USH2A: variants seen among roughly 807,000 people sequenced by gnomAD.
The protein encoded by USH2A is usherin, also known as Usher syndrome 2A (autosomal recessive, mild).
In USH2A, 443 loss-of-function variants were observed where a neutral mutation model predicts 538.9. The ratio of observed to expected loss-of-function variants is 0.82; its 90% CI spans 0.76 to 0.89. USH2A has a LOEUF of 0.89. Ranked by LOEUF, USH2A falls within the 40% of genes least tolerant of loss-of-function variation. The pLI is 0.00. For missense variants in USH2A, 6,633 were observed against 6,324.8 expected (o/e 1.05, Z -1.65); for synonymous variants, 2,413 against 2,273.5 (o/e 1.06, Z -1.75).
intron 3 of USH2A, among the ~76,000 whole-genome samples, chr1:216,396,676 G>C (rs995479473): frequency 9.2e-5 from 14 of 152,094 alleles, no homozygotes; most frequent in East Asian, 7.7e-4. Context: ...AAAGAATTAT[G>C]GCAATGACTT....
chr1:216,028,493 A>T (rs572783008), intron 32 of USH2A, among the ~76,000 whole-genome samples: 4 of 152,238 alleles, frequency 2.6e-5, no homozygotes, highest in South Asian at 4.1e-4. Context: ...AAATCTCAGG[A>T]AATATTTATC....
intron 32 of USH2A, among the ~76,000 whole-genome samples, chr1:216,036,658 A>C (rs934253950): frequency 6.6e-6 from 1 of 152,154 alleles, no homozygotes; most frequent in Admixed American, 6.6e-5. Flanking sequence ...TCATGTGCTA[A>C]ATTCTAATTG....
intron 36 of USH2A, among the ~76,000 whole-genome samples, chr1:215,969,179 A>T (rs1667430676): frequency 6.6e-6 from 1 of 152,210 alleles, no homozygotes; most frequent in Admixed American, 6.6e-5. Context: ...TTAGAGATGG[A>T]TCATTGACTA....
chr1:215,827,411 G>A (rs910352617), intron 47 of USH2A, among the ~76,000 whole-genome samples: 7 of 152,136 alleles, frequency 4.6e-5, no homozygotes, highest in Admixed American at 2.0e-4. Flanking sequence ...AAAGAAGTTA[G>A]GAGGAGTTTG....
chr1:216,190,481 C>T (rs2034693107), intron 19 of USH2A, 114 bp from the exon 20 acceptor site: 2 of 1,401,918 alleles, frequency 1.4e-6, no homozygotes, highest in East Asian at 2.5e-5. Flanking sequence ...TTATTGCCAA[C>T]CACCATTAGG....
chr1:215,623,020 G>GACT lies in USH2A; in HGVS notation c.*2758_*2760dup, dbSNP rs1270694992. 6.6e-6 allele frequency: 1 copy of GACT among 151,954 alleles called. No homozygotes were observed. Among genetic ancestry groups the GACT allele is most frequent in the East Asian group, 1.9e-4 (1 of 5,156 alleles). 9.4% of individuals were successfully genotyped at this position (151,954 alleles called of 1,614,324 possible). A position where few individuals can be genotyped will look rare whatever the true frequency, so the allele number is the denominator to read the frequency against. ...CCTTATTAATGAATTCTTCCACTTGGACTATGTTTTATTTACCGGTGTGTT... is the reference window on the plus strand; with the variant it reads ...CCTTATTAATGAATTCTTCCACTTGGACTACTATGTTTTATTTACCGGTGTGTT... On this transcript the variant is annotated 3_prime_UTR_variant, in exon 72 of 72. Transcript: ENST00000307340.
intron 9 of USH2A, among the ~76,000 whole-genome samples, chr1:216,317,739 G>A (rs111681198): frequency 0.012 from 1,765 of 152,126 alleles, 31 homozygotes; most frequent in African/African-American, 0.041. Context: ...TGTAGTCCCA[G>A]CTACTTGGGA....
At chr1:216,363,382 G>C (rs1232753245) in intron 4 of USH2A, among the ~76,000 whole-genome samples, 1 of 151,942 alleles carries the variant, frequency 6.6e-6, no homozygotes, top group Non-Finnish European at 1.5e-5. Flanking sequence ...TTTAAAGTTG[G>C]GGTGACTACA....
At chr1:215,883,191 G>A (rs753793216) in intron 41 of USH2A, among the ~76,000 whole-genome samples, 20 of 152,030 alleles carry the variant, frequency 1.3e-4, no homozygotes, top group Non-Finnish European at 2.8e-4. Flanking sequence ...GGTAAAAACC[G>A]TAATTACTTT....
intron 61 of USH2A, among the ~76,000 whole-genome samples, chr1:215,694,275 A>G (rs1658720116): frequency 6.6e-6 from 1 of 152,182 alleles, no homozygotes; most frequent in Non-Finnish European, 1.5e-5. Context: ...GTTGAAAACA[A>G]GACATTCAAA....
chr1:215,675,305 A>T lies in USH2A; in HGVS notation c.12606T>A (p.Asn4202Lys). Residue 4202 changes from asparagine to lysine, a missense_variant, in exon 63 of 72, where the codon AAT becomes AAA. Physicochemically the swap from Asn to Lys is moderately conservative, Grantham distance 94 (BLOSUM62 0). Transcript: ENST00000307340. ...RRCFEGKAWGNQTIQADEKIV... is the reference protein window; with the variant it reads ...RRCFEGKAWGKQTIQADEKIV... ...TTTTCTCGTCGGCCTGGATTGTCTG[A>T]TTTCCCCAAGCTTTTCCCTCGAAGC... 6.2e-7 allele frequency: 1 copy of T among 1,614,066 alleles called. No homozygotes were observed. The highest frequency in any genetic ancestry group is 8.5e-7 in the Non-Finnish European group (1 of 1,180,024).
At chr1:216,311,013 A>G (rs1424250181) in intron 9 of USH2A, among the ~76,000 whole-genome samples, 1 of 152,180 alleles carries the variant, frequency 6.6e-6, no homozygotes, top group Non-Finnish European at 1.5e-5. Flanking sequence ...CTTCTTAACA[A>G]GAGAGGTCCC....
At chr1:216,044,503 G>T (rs1296551034) in intron 32 of USH2A, among the ~76,000 whole-genome samples, 1 of 152,074 alleles carries the variant, frequency 6.6e-6, no homozygotes, top group South Asian at 2.1e-4. Context: ...CATGCCATAA[G>T]ATACTGTTGG....
At position 215,661,907 on chromosome 1, in the gene USH2A, C is replaced by T. The variant is rs140445329; in HGVS notation, c.14133+9065G>A. Among the ~76,000 whole-genome samples the T allele has an allele frequency of 1.2e-4, 19 of 152,230 alleles. No individual in the cohort carries two copies. The East Asian group carries it at 3.1e-3, about 25-fold the overall frequency. Reference sequence around the variant, plus strand: ...TTCTTCCTCCCTGGGTCTGTTTTGCCATCACTCAGATCCTGCAAACATCAA... The same window carrying T: ...TTCTTCCTCCCTGGGTCTGTTTTGCTATCACTCAGATCCTGCAAACATCAA... On this transcript the variant is annotated intron_variant, in intron 64 of 71. Transcript: ENST00000307340.
chr1:216,291,161 CA>C (rs35084653), intron 10 of USH2A, among the ~76,000 whole-genome samples: 100,515 of 151,838 alleles, frequency 0.66, 35,263 homozygotes, highest in East Asian at 0.77. Context: ...AGATAAAAGC[CA>C]AAGGCTTTAT....
At chr1:216,002,650 C>T (rs542286150) in intron 32 of USH2A, among the ~76,000 whole-genome samples, 130 of 152,182 alleles carry the variant, frequency 8.5e-4, no homozygotes, top group Non-Finnish European at 1.3e-3. Context: ...CAGCCGCAAC[C>T]GAGATTGGAT....
intron 37 of USH2A, among the ~76,000 whole-genome samples, chr1:215,957,371 A>T (rs1667094528): frequency 6.6e-6 from 1 of 152,174 alleles, no homozygotes; most frequent in Non-Finnish European, 1.5e-5. Context: ...AATTTCTTCT[A>T]AGTCTCTAAA....
chr1:216,180,231 T>C (rs1461706134), intron 20 of USH2A, among the ~76,000 whole-genome samples: 3 of 152,060 alleles, frequency 2.0e-5, no homozygotes, highest in Non-Finnish European at 4.4e-5. Context: ...TTAAAACGAA[T>C]CTTCAATATT....
chr1:216,175,744 C>T (rs1057354014), intron 20 of USH2A, among the ~76,000 whole-genome samples: 6 of 152,116 alleles, frequency 3.9e-5, no homozygotes, highest in Non-Finnish European at 5.9e-5. Flanking sequence ...CTTCTCTATT[C>T]TTTTTAGCTA....
Sources: allele counts gnomAD v4.1 joint callset (sites outside exome capture counted in the v4.1 genomes callset), GRCh38; gene constraint gnomAD v4.1.1; transcripts MANE v1.5; gene names NCBI Gene and HGNC (gene_info 2026-07-23, HGNC 2026-07-21).